PLA2G2C: variants seen among roughly 807,000 people sequenced by gnomAD.
PLA2G2C encodes the protein phospholipase A2 group IIC.
Under a neutral mutation model 14.3 loss-of-function variants are expected in PLA2G2C, and 15 were observed. The observed-to-expected ratio is 1.05, with a 90% CI of 0.70 to 1.62. PLA2G2C has a LOEUF of 1.62. Ranked by LOEUF, PLA2G2C falls within the 40% of genes most tolerant of loss-of-function variation. The pLI is 0.00. For synonymous variants in PLA2G2C, 79 were observed against 67.7 expected (o/e 1.17, Z -0.82); for missense variants, 162 against 173.2 (o/e 0.94, Z 0.36).
chr1:20,184,841 G>A (rs1175326163), intron 1 of PLA2G2C, among the ~76,000 whole-genome samples: 1 of 152,104 alleles, frequency 6.6e-6, no homozygotes. Flanking sequence ...GCAAAACAAC[G>A]TTTTGAAATA....
chr1:20,179,739 T>A (rs1319219279), intron 1 of PLA2G2C, among the ~76,000 whole-genome samples: 4 of 117,300 alleles, frequency 3.4e-5, no homozygotes, highest in Admixed American at 8.5e-5. Context: ...TATGTCAGTG[T>A]GTGTGTGTGT....
chr1:20,164,659 C>T (rs577535026), intron 4 of PLA2G2C, among the ~76,000 whole-genome samples: 1 of 152,336 alleles, frequency 6.6e-6, no homozygotes, highest in South Asian at 2.1e-4. Flanking sequence ...TGACATCTCA[C>T]TTGGATGTCT....
chr1:20,172,701 T>G, intron 4 of PLA2G2C, 93 bp downstream of exon 4: 1 of 1,127,548 alleles, frequency 8.9e-7, no homozygotes, highest in South Asian at 1.5e-5. Flanking sequence ...TGGAAGCATT[T>G]CATTTTCTAA....
In PLA2G2C at chr1:20,175,144, G is replaced by A. The variant is rs1401008728; in HGVS notation, c.42C>T (p.Ser14=). Residue 14 remains serine, a splice_region_variant and synonymous_variant, in exon 3 of 5, where the codon TCC becomes TCT. Transcript: ENST00000679259. ...IAILTLLLFC[S]PTHSSFWQFQ... ...ACTGCCAGAAACTGCTGTGGGTGGG[G>A]GCTGCCACCACCGATGAGAAAAAAA... The A allele has an allele frequency of 4.3e-6, 7 of 1,613,682 alleles. No individual in the cohort carries two copies. Among genetic ancestry groups the A allele is most frequent in the African/African-American group, 4.0e-5 (3 of 74,820 alleles).
intron 1 of PLA2G2C, chr1:20,186,117 G>T (rs967017545): frequency 6.6e-6 from 1 of 152,322 alleles, no homozygotes; most frequent in African/African-American, 2.4e-5. Flanking sequence ...GCAGGACAGA[G>T]CCCGGGCGCA....
rs2100731265 is a variant in PLA2G2C, at chr1:20,186,508, G to C, written c.-225C>G. The C allele has an allele frequency of 6.6e-6, 1 of 152,454 alleles. No homozygotes were observed. Among genetic ancestry groups the C allele is most frequent in the East Asian group, 1.9e-4 (1 of 5,192 alleles). The allele number at this position is 152,454 out of a possible 1,614,324, so 9.4% of individuals were successfully genotyped here. On this transcript the variant is annotated 5_prime_UTR_variant, in exon 1 of 5. Transcript: ENST00000679259. ...TCCCAGTCTCCGGCAGGGCAGAGAC[G>C]AGAACCAGAGGGCCCCTCCCCCAGT...
chr1:20,163,751 A>G lies in PLA2G2C; in HGVS notation c.*240T>C. 2 of 513,438 alleles carry G rather than the reference A, an allele frequency of 3.9e-6. No individual in the cohort carries two copies. The highest frequency in any genetic ancestry group is 5.2e-5 in the South Asian group (2 of 38,420). 31.8% of individuals were successfully genotyped at this position (513,438 alleles called of 1,614,324 possible). A position where few individuals can be genotyped will look rare whatever the true frequency, so the allele number is the denominator to read the frequency against. On this transcript the variant is annotated 3_prime_UTR_variant, in exon 5 of 5. Transcript: ENST00000679259. ...ATTTGTAGTCCTCCCCACTCCACAGAATGCCAGCTCCTGCAGGGCAGGCAT... is the reference window on the plus strand; with the variant it reads ...ATTTGTAGTCCTCCCCACTCCACAGGATGCCAGCTCCTGCAGGGCAGGCAT...
intron 4 of PLA2G2C, among the ~76,000 whole-genome samples, chr1:20,168,161 G>A (rs930748476): frequency 3.9e-5 from 6 of 152,206 alleles, no homozygotes; most frequent in African/African-American, 1.4e-4. Flanking sequence ...GGCCAAATAT[G>A]CTGCTTCTGT....
At chr1:20,164,884 C>T (rs916458413) in intron 4 of PLA2G2C, among the ~76,000 whole-genome samples, 3 of 152,234 alleles carry the variant, frequency 2.0e-5, no homozygotes, top group African/African-American at 7.2e-5. Context: ...CTCTCTATGT[C>T]TTTGGCCACT....
intron 4 of PLA2G2C, among the ~76,000 whole-genome samples, chr1:20,169,374 C>T (rs2018032808): frequency 6.6e-6 from 1 of 151,988 alleles, no homozygotes; most frequent in African/African-American, 2.4e-5. Flanking sequence ...AGACAGGGGT[C>T]TCACTGTGTT....
rs751906133 is a variant in PLA2G2C, at chr1:20,177,307, C to T, written c.40+17G>A. 2.7e-5 allele frequency: 19 copies of T among 700,626 alleles called. No homozygotes were observed. The highest frequency in any genetic ancestry group is 1.9e-4 in the South Asian group (13 of 67,514). The allele number at this position is 700,626 out of a possible 1,614,324, so 43.4% of individuals were successfully genotyped here. ...AAGACAGAAGCTTGGTGCTGACCCACCAAGCTCTCTACTTACAGCAGAAGA... is the reference window on the plus strand; with the variant it reads ...AAGACAGAAGCTTGGTGCTGACCCATCAAGCTCTCTACTTACAGCAGAAGA... On this transcript the variant is annotated intron_variant, in intron 2 of 4. Transcript: ENST00000679259.
At chr1:20,169,041 C>A (rs1212428641) in intron 4 of PLA2G2C, among the ~76,000 whole-genome samples, 1 of 152,212 alleles carries the variant, frequency 6.6e-6, no homozygotes, top group African/African-American at 2.4e-5. Context: ...CCAGAGCAGC[C>A]CCCGGTTGCT....
chr1:20,166,251 T>C (rs550772588), intron 4 of PLA2G2C, among the ~76,000 whole-genome samples: 1 of 152,286 alleles, frequency 6.6e-6, no homozygotes, highest in African/African-American at 2.4e-5. Context: ...GAAGCCGTCC[T>C]CCCACGCCTC....
At position 20,185,869 on chromosome 1, in the gene PLA2G2C, G is replaced by A. The variant is rs1429386094; in HGVS notation, c.-77+491C>T. ...CTCTCCCCCAGAGAGAAACAGAGGCGGTGACGCTAGGAAGAGGAGGAGAGA... is the reference window on the plus strand; with the variant it reads ...CTCTCCCCCAGAGAGAAACAGAGGCAGTGACGCTAGGAAGAGGAGGAGAGA... On this transcript the variant is annotated intron_variant, in intron 1 of 4. Coordinates refer to ENST00000679259, the MANE Select transcript of PLA2G2C (RefSeq NM_001367969.2). Among the ~76,000 whole-genome samples, 5 of 152,296 alleles carry A rather than the reference G, an allele frequency of 3.3e-5. No homozygotes were observed. In the South Asian group the frequency reaches 6.2e-4, roughly 19 times the overall value.
In PLA2G2C at chr1:20,164,142, C is replaced by G. The variant is rs2017933644; in HGVS notation, c.299G>C (p.Gly100Ala). Reference protein sequence around the residue: ...NGAVVCGCTLGPGASCHCRLK... With the variant: ...NGAVVCGCTLAPGASCHCRLK... ...CCTGCAGTGGCAGCTGGCACCAGGA[C>G]CAAGGGTGCATCCACCTACAGAGAC... The change falls in exon 5 of 5, where the codon GGT (glycine) becomes GCT (alanine). Residue 100 changes from glycine to alanine, a missense_variant. Coordinates refer to ENST00000679259, the MANE Select transcript of PLA2G2C (RefSeq NM_001367969.2). The G allele has an allele frequency of 1.2e-6, 2 of 1,613,064 alleles. No homozygotes were observed. The highest frequency in any genetic ancestry group is 1.7e-5 in the Admixed American group (1 of 59,994).
chr1:20,179,475 T>C lies in PLA2G2C; in HGVS notation c.-76-2036A>G, dbSNP rs147113423. Reference sequence around the variant, plus strand: ...TCTCCGTGTCAGCTTCTCCCTTGCATGTCAGCTTCTCCCTTTTGTGTCAGC... The same window carrying C: ...TCTCCGTGTCAGCTTCTCCCTTGCACGTCAGCTTCTCCCTTTTGTGTCAGC... On this transcript the variant is annotated intron_variant, in intron 1 of 4. Coordinates refer to ENST00000679259, the MANE Select transcript of PLA2G2C (RefSeq NM_001367969.2). Among the ~76,000 whole-genome samples the C allele has an allele frequency of 3.2e-3, 471 of 147,500 alleles. 4 individuals are homozygous for C. The highest frequency in any genetic ancestry group is 3.1e-3 in the Non-Finnish European group (212 of 67,416).
intron 2 of PLA2G2C, 43 bp downstream of exon 2, chr1:20,177,281 G>A: frequency 4.3e-6 from 3 of 700,408 alleles, no homozygotes; most frequent in African/African-American, 1.7e-5. Flanking sequence ...ACATAAACAG[G>A]AAGACAGAAG....
At chr1:20,179,455 G>A (rs974321106) in intron 1 of PLA2G2C, among the ~76,000 whole-genome samples, 4 of 146,366 alleles carry the variant, frequency 2.7e-5, no homozygotes, top group East Asian at 2.0e-4. Flanking sequence ...CAGCTTCTCC[G>A]TGTCAGCTTC....
intron 1 of PLA2G2C, among the ~76,000 whole-genome samples, chr1:20,183,321 G>A (rs778516197): frequency 1.7e-4 from 26 of 152,200 alleles, no homozygotes; most frequent in Non-Finnish European, 3.2e-4. Flanking sequence ...TGACGTCAGA[G>A]GCCATGCCTG....
Sources: gnomAD v4.1 joint callset for allele counts (sites outside exome capture counted in the v4.1 genomes callset) on GRCh38, gnomAD v4.1.1 for gene constraint, MANE v1.5 for transcripts, NCBI Gene and HGNC (gene_info 2026-07-23, HGNC 2026-07-21) for gene names.